Variants in CPNE4 observed in about 807,000 individuals in gnomAD.
The protein encoded by CPNE4 is copine 4, also known as copine-4.
In CPNE4, 25 loss-of-function variants were observed where a neutral mutation model predicts 67.9. That is an observed-to-expected ratio of 0.37 (90% confidence interval 0.27 to 0.51). The LOEUF is 0.51. Ranked by LOEUF, CPNE4 falls within the 20% of genes least tolerant of loss-of-function variation. The pLI is 0.93. For synonymous variants in CPNE4, 242 were observed against 244.9 expected (o/e 0.99, Z 0.11); for missense variants, 464 against 690.8 (o/e 0.67, Z 3.68).
At position 131,656,544 on chromosome 3, in the gene CPNE4, T is replaced by C. The variant is rs569250190; in HGVS notation, c.681+13131A>G. 3.3e-5 allele frequency among the ~76,000 whole-genome samples: 5 copies of C among 152,338 alleles called. 1 individual carries two copies. In the Middle Eastern group the frequency reaches 0.014, roughly 415 times the overall value. Reference sequence around the variant, plus strand: ...GGGCTTGTGTATATATCCATCCATCTATCTATCAATCCATCTATCCATCTA... The same window carrying C: ...GGGCTTGTGTATATATCCATCCATCCATCTATCAATCCATCTATCCATCTA... On this transcript the variant is annotated intron_variant, in intron 7 of 15. Coordinates refer to ENST00000429747, the MANE Select transcript of CPNE4 (RefSeq NM_130808.3).
chr3:131,554,913 A>G (rs865958424), intron 12 of CPNE4, among the ~76,000 whole-genome samples: 28 of 151,994 alleles, frequency 1.8e-4, no homozygotes, highest in Non-Finnish European at 8.8e-5. Flanking sequence ...GCCTCATTAC[A>G]GTGCAAATTT....
intron 2 of CPNE4, among the ~76,000 whole-genome samples, chr3:131,792,712 T>C (rs1163089050): frequency 8.7e-6 from 1 of 114,490 alleles, no homozygotes; most frequent in Admixed American, 9.2e-5. Flanking sequence ...CACACACGTG[T>C]ATATATGTAT....
At chr3:131,936,964 C>T (rs550425702) in intron 1 of CPNE4, among the ~76,000 whole-genome samples, 11 of 142,122 alleles carry the variant, frequency 7.7e-5, no homozygotes, top group Admixed American at 7.6e-4. Context: ...ATGAGAAAAG[C>T]AAAAAAAAAG....
chr3:131,909,601 AT>A lies in CPNE4; in HGVS notation c.-1-4158del, dbSNP rs1172228650. Reference sequence around the variant, plus strand: ...GAAATCTTATTGAATGTAAAAAAAAATAATGTAGGCAACCAAACACCACGAA... The same window carrying A: ...GAAATCTTATTGAATGTAAAAAAAAAAATGTAGGCAACCAAACACCACGAA... On this transcript the variant is annotated intron_variant, in intron 1 of 15. Coordinates refer to ENST00000429747, the MANE Select transcript of CPNE4 (RefSeq NM_130808.3). Among the ~76,000 whole-genome samples, 7 of 152,274 alleles carry A rather than the reference AT, an allele frequency of 4.6e-5. No individual in the cohort carries two copies. In the East Asian group the frequency reaches 1.4e-3, roughly 29 times the overall value.
intron 7 of CPNE4, among the ~76,000 whole-genome samples, chr3:131,642,154 T>C (rs1182427332): frequency 2.0e-5 from 3 of 152,018 alleles, no homozygotes; most frequent in African/African-American, 7.3e-5. Context: ...CCAAAATTTA[T>C]TGAAATAAAA....
intron 6 of CPNE4, among the ~76,000 whole-genome samples, chr3:131,672,071 T>G (rs2080432393): frequency 6.6e-6 from 1 of 152,188 alleles, no homozygotes; most frequent in African/African-American, 2.4e-5. Context: ...TGAGAACATG[T>G]GAAGTTTGTC....
At chr3:131,746,932 C>A (rs1378406388) in intron 2 of CPNE4, among the ~76,000 whole-genome samples, 1 of 152,048 alleles carries the variant, frequency 6.6e-6, no homozygotes, top group Non-Finnish European at 1.5e-5. Context: ...CACAAACACT[C>A]ATTTTCTCTT....
chr3:131,672,034 A>G (rs964024271), intron 6 of CPNE4, among the ~76,000 whole-genome samples: 1 of 152,018 alleles, frequency 6.6e-6, no homozygotes, highest in Admixed American at 6.6e-5. Flanking sequence ...TTGTTTTTAT[A>G]TTTAATATTT....
At chr3:131,859,212 T>C (rs554935031) in intron 2 of CPNE4, among the ~76,000 whole-genome samples, 42 of 152,248 alleles carry the variant, frequency 2.8e-4, no homozygotes, top group Non-Finnish European at 5.1e-4. Context: ...GTTGGTTCAG[T>C]GTAATTATAA....
At chr3:131,976,028 A>T (rs951131864) in intron 1 of CPNE4, among the ~76,000 whole-genome samples, 3 of 151,338 alleles carry the variant, frequency 2.0e-5, no homozygotes, top group South Asian at 2.1e-4. Context: ...GCTGATATTT[A>T]AAAAAAAACT....
intron 1 of CPNE4, among the ~76,000 whole-genome samples, chr3:131,948,813 T>C (rs1252320136): frequency 1.3e-5 from 2 of 152,206 alleles, no homozygotes; most frequent in Non-Finnish European, 2.9e-5. Flanking sequence ...TCCCCCAATC[T>C]GCTGATATGC....
At chr3:131,688,639 A>G (rs1355123273) in intron 5 of CPNE4, among the ~76,000 whole-genome samples, 1 of 152,190 alleles carries the variant, frequency 6.6e-6, no homozygotes, top group Non-Finnish European at 1.5e-5. Context: ...ATTCATACTT[A>G]AAAACTGCTA....
intron 2 of CPNE4, among the ~76,000 whole-genome samples, chr3:131,824,378 C>T (rs373497647): frequency 1.3e-5 from 2 of 152,196 alleles, no homozygotes; most frequent in African/African-American, 2.4e-5. Context: ...ACTATCCATG[C>T]CCAGCTTACC....
At chr3:131,572,354 G>A (rs934866205) in intron 10 of CPNE4, among the ~76,000 whole-genome samples, 3 of 152,108 alleles carry the variant, frequency 2.0e-5, no homozygotes, top group African/African-American at 7.2e-5. Context: ...TCAGTAAGAG[G>A]AGTATCTTCA....
chr3:131,638,550 G>A (rs2079454035), intron 7 of CPNE4, among the ~76,000 whole-genome samples: 1 of 152,082 alleles, frequency 6.6e-6, no homozygotes, highest in Non-Finnish European at 1.5e-5. Context: ...CCTAAGAAAT[G>A]AGACAGATGG....
intron 2 of CPNE4, among the ~76,000 whole-genome samples, chr3:131,845,231 T>C (rs991820959): frequency 2.0e-5 from 3 of 152,230 alleles, no homozygotes; most frequent in Admixed American, 6.5e-5. Context: ...CATCAACTTA[T>C]ATTGAATAGT....
At chr3:131,665,711 A>T (rs1347745272) in intron 7 of CPNE4, among the ~76,000 whole-genome samples, 1 of 151,872 alleles carries the variant, frequency 6.6e-6, no homozygotes, top group Admixed American at 6.6e-5. Context: ...AGAGAAAAAG[A>T]AAAAAAGTTA....
intron 7 of CPNE4, among the ~76,000 whole-genome samples, chr3:131,595,565 G>T (rs1273090603): frequency 1.3e-5 from 2 of 152,198 alleles, no homozygotes; most frequent in Non-Finnish European, 2.9e-5. Context: ...GCCTCAGGAA[G>T]CTTGCAATCA....
At chr3:131,844,877 T>C (rs1477651724) in intron 2 of CPNE4, among the ~76,000 whole-genome samples, 1 of 152,192 alleles carries the variant, frequency 6.6e-6, no homozygotes, top group Non-Finnish European at 1.5e-5. Context: ...GGCTCCTACA[T>C]GACACGTAAG....
Sources: allele counts gnomAD v4.1 joint callset (sites outside exome capture counted in the v4.1 genomes callset), GRCh38; gene constraint gnomAD v4.1.1; transcripts MANE v1.5; gene names NCBI Gene and HGNC (gene_info 2026-07-23, HGNC 2026-07-21).